The following CCDC80 variants were observed in gnomAD, a reference collection of about 807,000 sequenced individuals.
CCDC80 encodes the protein coiled-coil domain-containing protein 80.
A neutral mutation model predicts 78.7 loss-of-function variants in CCDC80; 49 were observed. The ratio of observed to expected loss-of-function variants is 0.62; its 90% CI spans 0.50 to 0.79. The LOEUF (loss-of-function observed/expected upper bound fraction) is 0.79. Among genes scored for constraint, CCDC80 ranks in the 30% least tolerant of loss-of-function variants. CCDC80 has a pLI of 0.00. For synonymous variants in CCDC80, 488 were observed against 447.0 expected, an observed-to-expected ratio of 1.09 and a Z score of -1.16; for missense variants, 1,205 against 1,198.6, an observed-to-expected ratio of 1.01 and a Z score of -0.08.
intron 4 of CCDC80, among the ~76,000 whole-genome samples, chr3:112,618,380 C>T (rs1422741376): frequency 1.3e-5 from 2 of 151,950 alleles, no homozygotes; most frequent in East Asian, 1.9e-4. Context: ...TAAAATTAGC[C>T]GGGTGTGGTG....
intron 5 of CCDC80, among the ~76,000 whole-genome samples, chr3:112,610,915 C>CTTTCTT (rs372315587): frequency 9.3e-4 from 115 of 123,282 alleles, no homozygotes; most frequent in African/African-American, 3.4e-3. Context: ...TTCTTTCTTT[C>CTTTCTT]TTTTTTTTTT....
At position 112,602,943 on chromosome 3, in the gene CCDC80, C is replaced by G. The variant is rs1935400032; in HGVS notation, c.*2474G>C. On this transcript the variant is annotated 3_prime_UTR_variant, in exon 8 of 8. Transcript: ENST00000206423. Reference sequence around the variant, plus strand: ...GGAAGAAGATGCCATCTCAGACTTACGTATCTAGAGAGGAGTAGTCAATGC... The same window carrying G: ...GGAAGAAGATGCCATCTCAGACTTAGGTATCTAGAGAGGAGTAGTCAATGC... 1 of 153,680 alleles carries G rather than the reference C, an allele frequency of 6.5e-6. No individual in the cohort carries two copies. Among genetic ancestry groups the G allele is most frequent in the Admixed American group, 6.5e-5 (1 of 15,306 alleles). 9.5% of individuals were successfully genotyped at this position (153,680 alleles called of 1,614,324 possible).
chr3:112,620,156 A>G (rs1264235146), intron 3 of CCDC80, among the ~76,000 whole-genome samples: 1 of 152,258 alleles, frequency 6.6e-6, no homozygotes, highest in Admixed American at 6.5e-5. Context: ...TTTGAGTACC[A>G]CAGACATTAC....
rs543158613 is a variant in CCDC80 at position 112,617,408 on chromosome 3, C to T, written c.2173-550G>A. Among the ~76,000 whole-genome samples, 7 of 152,316 alleles carry T rather than the reference C, an allele frequency of 4.6e-5. No homozygotes were observed. The South Asian group carries it at 1.0e-3, about 23-fold the overall frequency. On this transcript the variant is annotated intron_variant, in intron 4 of 7. Coordinates refer to ENST00000206423, the MANE Select transcript of CCDC80 (RefSeq NM_199511.3). ...ACTTAAAGACAATGAAATTCAGATT[C>T]CTGAATCACAGCTGCCTGGACTTAC...
At position 112,638,228 on chromosome 3, in the gene CCDC80, C is replaced by T; in HGVS notation, c.1678G>A (p.Asp560Asn). Reference protein sequence around the residue: ...KKKKMKNENADKLLKSEKQMK... With the variant: ...KKKKMKNENANKLLKSEKQMK... ...TGCTTTTCACTCTTAAGTAACTTGT[C>T]TGCGTTCTCATTCTTCATCTTTTTT... The change falls in exon 2 of 8, where the codon GAC (aspartate) becomes AAC (asparagine). Residue 560 changes from aspartate (D) to asparagine (N), a missense_variant. Coordinates refer to ENST00000206423, the MANE Select transcript of CCDC80 (RefSeq NM_199511.3). The T allele has an allele frequency of 6.2e-7, 1 of 1,613,134 alleles. No individual in the cohort carries two copies. Among genetic ancestry groups the T allele is most frequent in the Admixed American group, 1.7e-5 (1 of 59,972 alleles).
intron 5 of CCDC80, among the ~76,000 whole-genome samples, chr3:112,613,396 A>G (rs1003890211): frequency 2.0e-5 from 3 of 152,232 alleles, no homozygotes; most frequent in African/African-American, 4.8e-5. Flanking sequence ...TAATGAAGAT[A>G]AGAGCCCATA....
intron 3 of CCDC80, among the ~76,000 whole-genome samples, chr3:112,621,984 A>G (rs1935877742): frequency 6.6e-6 from 1 of 152,024 alleles, no homozygotes; most frequent in Non-Finnish European, 1.5e-5. Context: ...AGAGTCTCAG[A>G]CTCTGTCTCT....
At chr3:112,610,845 G>A (rs904102955) in intron 5 of CCDC80, among the ~76,000 whole-genome samples, 4 of 151,676 alleles carry the variant, frequency 2.6e-5, no homozygotes, top group African/African-American at 9.7e-5. Flanking sequence ...GTCTTTTTGG[G>A]TGTCGTTGAG....
At chr3:112,629,518 A>C (rs946203072) in intron 3 of CCDC80, among the ~76,000 whole-genome samples, 1 of 152,248 alleles carries the variant, frequency 6.6e-6, no homozygotes, top group African/African-American at 2.4e-5. Flanking sequence ...TGTACGCCTC[A>C]TGAGTCTCAC....
chr3:112,629,440 C>T (rs1156524118), intron 3 of CCDC80, among the ~76,000 whole-genome samples: 1 of 152,150 alleles, frequency 6.6e-6, no homozygotes, highest in African/African-American at 2.4e-5. Flanking sequence ...CTTAACTAAT[C>T]ACAGTAAATC....
chr3:112,638,145 T>A lies in CCDC80; in HGVS notation c.1761A>T (p.Lys587Asn), dbSNP rs775631710. 2 of 1,614,036 alleles carry A rather than the reference T, an allele frequency of 1.2e-6. No homozygotes were observed. Among genetic ancestry groups the A allele is most frequent in the Non-Finnish European group, 1.7e-6 (2 of 1,180,002 alleles). ...AGCCATCCTGTTCTGTTTTACCTCCTTTTTTCTTCTTGCTCTTCTCTTTCT... is the reference window on the plus strand; with the variant it reads ...AGCCATCCTGTTCTGTTTTACCTCCATTTTTCTTCTTGCTCTTCTCTTTCT... ...KQEKEKSKKK[K>N]GGKTEQDGYQ... The change falls in exon 2 of 8, where the codon AAA (lysine) becomes AAT (asparagine). Residue 587 changes from lysine (K) to asparagine (N), a missense_variant. By Grantham distance (94) the Lys-to-Asn change is moderately conservative (BLOSUM62 0). Transcript: ENST00000206423.
intron 2 of CCDC80, among the ~76,000 whole-genome samples, chr3:112,635,348 A>G (rs1936185583): frequency 6.6e-6 from 1 of 152,232 alleles, no homozygotes; most frequent in Non-Finnish European, 1.5e-5. Flanking sequence ...GGGTTAAGTT[A>G]AGGCCAGTTG....
Position 112,601,741 on chromosome 3 carries a change from G to A in CCDC80, c.*3676C>T, listed in dbSNP as rs553768869. The A allele has an allele frequency of 1.3e-5, 2 of 151,160 alleles. No individual in the cohort carries two copies. Among genetic ancestry groups the A allele is most frequent in the South Asian group, 4.2e-4 (2 of 4,782 alleles). The allele number at this position is 151,160 out of a possible 1,614,324, so 9.4% of individuals were successfully genotyped here. On this transcript the variant is annotated 3_prime_UTR_variant, in exon 8 of 8. Transcript: ENST00000206423. ...AGCAACGAAAGGAGGGAGGAAGGGAGAAAGTTTACTTTGATATGCCATATG... is the reference window on the plus strand; with the variant it reads ...AGCAACGAAAGGAGGGAGGAAGGGAAAAAGTTTACTTTGATATGCCATATG...
At chr3:112,627,766 T>A (rs1936005989) in intron 3 of CCDC80, among the ~76,000 whole-genome samples, 1 of 150,050 alleles carries the variant, frequency 6.7e-6, no homozygotes, top group Admixed American at 6.7e-5. Flanking sequence ...AGGAATTAGA[T>A]GAGAAACAAA....
At chr3:112,613,366 G>C (rs1200339352) in intron 5 of CCDC80, among the ~76,000 whole-genome samples, 2 of 152,024 alleles carry the variant, frequency 1.3e-5, no homozygotes, top group Non-Finnish European at 2.9e-5. Flanking sequence ...ATCCATAAAA[G>C]ATGTATATTC....
intron 3 of CCDC80, among the ~76,000 whole-genome samples, chr3:112,625,510 C>A (rs1000164831): frequency 1.3e-5 from 2 of 152,064 alleles, no homozygotes; most frequent in African/African-American, 4.8e-5. Context: ...TGAAAATAGT[C>A]CAAGTGTCCA....
chr3:112,631,328 T>G (rs1576792946), intron 2 of CCDC80, among the ~76,000 whole-genome samples: 1 of 152,152 alleles, frequency 6.6e-6, no homozygotes, highest in East Asian at 1.9e-4. Context: ...ACCTTGGAGG[T>G]GGGAGGATGT....
rs1364744374 is a variant in CCDC80 at position 112,602,637 on chromosome 3, C to T, written c.*2780G>A. On this transcript the variant is annotated 3_prime_UTR_variant, in exon 8 of 8. Coordinates refer to ENST00000206423, the MANE Select transcript of CCDC80 (RefSeq NM_199511.3). ...AAGATCAAGCCAGCCACAAAATTCC[C>T]TTAAGCCAAAGCCTAGTTCAGAGCA... 1 of 152,234 alleles carries T rather than the reference C, an allele frequency of 6.6e-6. No individual in the cohort carries two copies. Among genetic ancestry groups the T allele is most frequent in the African/African-American group, 2.4e-5 (1 of 41,446 alleles). 9.4% of individuals were successfully genotyped at this position (152,234 alleles called of 1,614,324 possible).
Position 112,639,820 on chromosome 3 carries a change from A to G in CCDC80, c.86T>C (p.Ile29Thr), listed in dbSNP as rs1281198822. 2 of 1,613,910 alleles carry G rather than the reference A, an allele frequency of 1.2e-6. No homozygotes were observed. The highest frequency in any genetic ancestry group is 1.7e-6 in the Non-Finnish European group (2 of 1,179,980). ...CGSEPHPHAT[I>T]RGSHGGRKVP... is the part of the protein sequence containing the mutation. ...TTTCCGTCCTCCGTGGCTGCCTCTA[A>G]TAGTGGCATGGGGGTGGGGTTCTGA... Residue 29 changes from isoleucine (I) to threonine (T), a missense_variant, in exon 2 of 8, where the codon ATT (isoleucine) becomes ACT (threonine). Coordinates refer to ENST00000206423, the MANE Select transcript of CCDC80 (RefSeq NM_199511.3).
Sources: gnomAD v4.1 joint callset for allele counts (sites outside exome capture counted in the v4.1 genomes callset) on GRCh38, gnomAD v4.1.1 for gene constraint, MANE v1.5 for transcripts, NCBI Gene and HGNC (gene_info 2026-07-23, HGNC 2026-07-21) for gene names.